GALNT10: variants seen among roughly 807,000 people sequenced by gnomAD.
The protein encoded by GALNT10 is GalNAc transferase 10.
In GALNT10, 41 loss-of-function variants were observed where a neutral mutation model predicts 75.0. The observed-to-expected ratio is 0.55, with a 90% confidence interval of 0.43 to 0.71. GALNT10 has a LOEUF of 0.71. GALNT10 is among the 30% of genes least tolerant of loss of function. The pLI is 0.00. For missense variants in GALNT10, 727 were observed against 818.5 expected (o/e 0.89, Z 1.36); for synonymous variants, 302 against 313.0 (o/e 0.96, Z 0.37).
chr5:154,293,625 C>CTTTTTT (rs1320287927), intron 1 of GALNT10, among the ~76,000 whole-genome samples: 6 of 128,072 alleles, frequency 4.7e-5, no homozygotes, highest in Non-Finnish European at 8.5e-5. Flanking sequence ...TTTTTTTTTC[C>CTTTTTT]TTTCAGCCAT....
intron 4 of GALNT10, chr5:154,338,186 C>T (rs1220884371): frequency 1.3e-6 from 1 of 772,880 alleles, no homozygotes; most frequent in Non-Finnish European, 2.3e-6. Flanking sequence ...TGCAACTCTT[C>T]CATCCACTTT....
chr5:154,240,086 A>G (rs545776895), intron 1 of GALNT10, among the ~76,000 whole-genome samples: 2 of 152,328 alleles, frequency 1.3e-5, no homozygotes, highest in South Asian at 4.1e-4. Context: ...AGTGTTGCCC[A>G]TGTGTGTATG....
intron 1 of GALNT10, among the ~76,000 whole-genome samples, chr5:154,263,502 A>G (rs1215312060): frequency 3.3e-5 from 5 of 152,036 alleles, no homozygotes; most frequent in Admixed American, 2.6e-4. Context: ...GGGGAGGGAG[A>G]AGGGGAGTGA....
At chr5:154,209,728 T>C (rs1775165384) in intron 1 of GALNT10, among the ~76,000 whole-genome samples, 1 of 152,200 alleles carries the variant, frequency 6.6e-6, no homozygotes, top group Non-Finnish European at 1.5e-5. Flanking sequence ...CCCCATCTTG[T>C]AATACCGTCA....
intron 1 of GALNT10, among the ~76,000 whole-genome samples, chr5:154,203,280 G>A (rs1291762595): frequency 1.3e-5 from 2 of 152,008 alleles, no homozygotes; most frequent in African/African-American, 2.4e-5. Context: ...CATAGTCTCC[G>A]TGATGTGTGT....
intron 1 of GALNT10, among the ~76,000 whole-genome samples, chr5:154,254,587 A>AT (rs1753578952): frequency 6.6e-6 from 1 of 151,210 alleles, no homozygotes; most frequent in African/African-American, 2.4e-5. Flanking sequence ...CAAATCAGGA[A>AT]TTTTTTACTG....
chr5:154,312,001 A>G (rs768438351), intron 3 of GALNT10, among the ~76,000 whole-genome samples: 4 of 152,158 alleles, frequency 2.6e-5, no homozygotes, highest in Non-Finnish European at 4.4e-5. Context: ...AATCCAGCAA[A>G]CACAACCAGC....
At chr5:154,304,578 A>C (rs191212216) in intron 3 of GALNT10, among the ~76,000 whole-genome samples, 1 of 152,266 alleles carries the variant, frequency 6.6e-6, no homozygotes, top group African/African-American at 2.4e-5. Context: ...TATCTTTTTT[A>C]AAAAAAGATA....
chr5:154,236,882 C>A (rs1229266863), intron 1 of GALNT10, among the ~76,000 whole-genome samples: 2 of 152,200 alleles, frequency 1.3e-5, no homozygotes, highest in African/African-American at 4.8e-5. Context: ...GTGCCCTTTC[C>A]ACATACCACA....
At chr5:154,371,636 C>A (rs1755570851) in intron 4 of GALNT10, among the ~76,000 whole-genome samples, 1 of 136,536 alleles carries the variant, frequency 7.3e-6, no homozygotes, top group Non-Finnish European at 1.6e-5. Flanking sequence ...GAAGCGTGGG[C>A]CCTGAGTTCT....
At position 154,401,426 on chromosome 5, in the gene GALNT10, G is replaced by A. The variant is rs535600498; in HGVS notation, c.1057-2678G>A. On this transcript the variant is annotated intron_variant, in intron 7 of 11. Transcript: ENST00000297107. ...CCCAGCAGCGACCTGGGCAATACCC[G>A]CCAGGCAAAAGCATCACTTCCACAT... Among the ~76,000 whole-genome samples the A allele has an allele frequency of 1.7e-4, 26 of 152,308 alleles. No homozygotes were observed. In the East Asian group the frequency reaches 2.7e-3, roughly 16 times the overall value.
intron 4 of GALNT10, among the ~76,000 whole-genome samples, chr5:154,361,469 C>G (rs1755386494): frequency 6.6e-6 from 1 of 152,222 alleles, no homozygotes; most frequent in South Asian, 2.1e-4. Flanking sequence ...AGAGTACACT[C>G]TTACTATGTG....
rs145904669 is a variant in GALNT10, at chr5:154,412,506, T to C, written c.1387-383T>C. Reference sequence around the variant, plus strand: ...TCCTTTTCTAGGCGCTTTCAAGGTATGGTCCCTGGACCACCTGCACCTGAG... The same window carrying C: ...TCCTTTTCTAGGCGCTTTCAAGGTACGGTCCCTGGACCACCTGCACCTGAG... On this transcript the variant is annotated intron_variant, in intron 9 of 11. Transcript: ENST00000297107. The surrounding 1 kb of genome is among the most constrained non-coding windows in gnomAD (Gnocchi z 4.2). The C allele has an allele frequency of 7.6e-4, 183 of 241,446 alleles. 1 individual carries two copies. The highest frequency in any genetic ancestry group is 4.1e-3 in the African/African-American group (176 of 42,636). The allele number at this position is 241,446 out of a possible 1,614,324, so 15.0% of individuals were successfully genotyped here.
intron 1 of GALNT10, among the ~76,000 whole-genome samples, chr5:154,193,521 G>A (rs1774893318): frequency 6.6e-6 from 1 of 152,198 alleles, no homozygotes; most frequent in Non-Finnish European, 1.5e-5. Context: ...TGAGCATACA[G>A]AGCTTTTTCA....
intron 1 of GALNT10, among the ~76,000 whole-genome samples, chr5:154,208,002 A>G (rs1469643925): frequency 6.6e-6 from 1 of 152,134 alleles, no homozygotes; most frequent in Non-Finnish European, 1.5e-5. Context: ...CAACCAGACC[A>G]GACAAGGCAG....
intron 1 of GALNT10, among the ~76,000 whole-genome samples, chr5:154,284,107 C>T (rs1482399787): frequency 6.6e-6 from 1 of 152,224 alleles, no homozygotes; most frequent in Non-Finnish European, 1.5e-5. Flanking sequence ...TGGTAGCTAG[C>T]ATTGCTAGTG....
At chr5:154,316,486 G>T (rs188413452) in intron 3 of GALNT10, among the ~76,000 whole-genome samples, 3 of 152,210 alleles carry the variant, frequency 2.0e-5, no homozygotes, top group African/African-American at 7.2e-5. Flanking sequence ...GCATGAGGCT[G>T]TGCCACTAAT....
chr5:154,340,791 G>T (rs183587951), intron 4 of GALNT10, among the ~76,000 whole-genome samples: 201 of 152,274 alleles, frequency 1.3e-3, no homozygotes, highest in African/African-American at 4.6e-3. Flanking sequence ...ATTATGTTTT[G>T]ATTTGAATCT....
At chr5:154,342,540 T>C (rs965372013) in intron 4 of GALNT10, among the ~76,000 whole-genome samples, 9 of 152,178 alleles carry the variant, frequency 5.9e-5, no homozygotes, top group Admixed American at 5.2e-4. Flanking sequence ...TTTGATAGAG[T>C]TGAAAAGATC....
Sources: gnomAD v4.1 joint callset for allele counts (sites outside exome capture counted in the v4.1 genomes callset) on GRCh38, gnomAD v4.1.1 for gene constraint, Gnocchi (gnomAD v3.1) non-coding constraint, MANE v1.5 for transcripts, NCBI Gene and HGNC (gene_info 2026-07-23, HGNC 2026-07-21) for gene names.